Variants in KCNN2 observed in about 807,000 individuals in gnomAD.
KCNN2 encodes the protein small conductance calcium-activated potassium channel protein 2.
In KCNN2, 24 loss-of-function variants were observed where a neutral mutation model predicts 55.5. That is an observed-to-expected ratio of 0.43 (90% CI 0.31 to 0.61). The LOEUF is 0.61. Ranked by LOEUF, KCNN2 falls within the 20% of genes least tolerant of loss-of-function variation. The probability of loss-of-function intolerance (pLI) is 0.08; values close to 1 mark genes in which losing one functional copy is unlikely to be tolerated. For synonymous variants in KCNN2, 431 were observed against 336.1 expected (o/e 1.28, Z -3.09); for missense variants, 754 against 853.6 (o/e 0.88, Z 1.45).
intron 1 of KCNN2, among the ~76,000 whole-genome samples, chr5:114,172,074 G>T (rs1204132523): frequency 6.6e-6 from 1 of 151,880 alleles, no homozygotes; most frequent in Non-Finnish European, 1.5e-5. Flanking sequence ...GGGAAGGGAA[G>T]TTTCTACAAA....
At chr5:114,476,541 C>G (rs371607351) in intron 5 of KCNN2, among the ~76,000 whole-genome samples, 1 of 151,938 alleles carries the variant, frequency 6.6e-6, no homozygotes, top group African/African-American at 2.4e-5. Context: ...GCCTCAGCCC[C>G]CCAAATAGCT....
intron 2 of KCNN2, among the ~76,000 whole-genome samples, chr5:114,295,853 A>G (rs1174174857): frequency 1.3e-5 from 2 of 151,676 alleles, no homozygotes; most frequent in Non-Finnish European, 2.9e-5. Context: ...CTCCACCACA[A>G]TATATGAGCA....
At chr5:114,470,434 C>T (rs887832733) in intron 4 of KCNN2, among the ~76,000 whole-genome samples, 10 of 152,114 alleles carry the variant, frequency 6.6e-5, no homozygotes, top group Non-Finnish European at 1.2e-4. Flanking sequence ...CTACAAAAGG[C>T]TAGCCTGTGT....
At chr5:114,375,412 T>C (rs1317255521) in intron 2 of KCNN2, among the ~76,000 whole-genome samples, 1 of 152,116 alleles carries the variant, frequency 6.6e-6, no homozygotes. Flanking sequence ...AAAACTTTGT[T>C]TTATTTATGT....
At chr5:114,488,615 A>C (rs1167039992) in intron 6 of KCNN2, among the ~76,000 whole-genome samples, 1 of 151,976 alleles carries the variant, frequency 6.6e-6, no homozygotes, top group Non-Finnish European at 1.5e-5. Context: ...GAGAATGAGA[A>C]CCCTCCCTTT....
chr5:114,418,735 T>C (rs1211224056), intron 3 of KCNN2, among the ~76,000 whole-genome samples: 1 of 152,176 alleles, frequency 6.6e-6, no homozygotes, highest in Non-Finnish European at 1.5e-5. Context: ...TCACTGCCAC[T>C]CAACTTAGGT....
chr5:114,252,987 G>C (rs1352974504), intron 2 of KCNN2, among the ~76,000 whole-genome samples: 2 of 152,148 alleles, frequency 1.3e-5, no homozygotes, highest in East Asian at 3.9e-4. Flanking sequence ...CCCTGACTTG[G>C]TAAAACTGCT....
intron 1 of KCNN2, among the ~76,000 whole-genome samples, chr5:114,183,530 T>C (rs1368536679): frequency 6.6e-6 from 1 of 152,146 alleles, no homozygotes; most frequent in Non-Finnish European, 1.5e-5. Context: ...TCTTGATAGA[T>C]ATACAAATAG....
intron 1 of KCNN2, among the ~76,000 whole-genome samples, chr5:114,206,328 T>A (rs1176789368): frequency 6.6e-6 from 1 of 152,238 alleles, no homozygotes; most frequent in East Asian, 1.9e-4. Flanking sequence ...TACCTCCTAA[T>A]CTCCAGCCCC....
At chr5:114,160,859 G>A (rs1190362562) in intron 1 of KCNN2, among the ~76,000 whole-genome samples, 4 of 152,004 alleles carry the variant, frequency 2.6e-5, no homozygotes, top group East Asian at 3.9e-4. Context: ...TTTGCTTGGT[G>A]GATCTTCCTC....
chr5:114,358,360 T>C (rs1338812749), upstream of KCNN2, among the ~76,000 whole-genome samples: 1 of 152,012 alleles, frequency 6.6e-6, no homozygotes, highest in East Asian at 1.9e-4. Flanking sequence ...TCTAAGAAAA[T>C]GTGTTTGTGT....
At chr5:114,115,370 G>A (rs1202107376) in intron 1 of KCNN2, among the ~76,000 whole-genome samples, 1 of 152,064 alleles carries the variant, frequency 6.6e-6, no homozygotes, top group East Asian at 1.9e-4. Context: ...CTAGCATTGT[G>A]CAAGTTTTAA....
chr5:114,383,748 A>C (rs1758197944), intron 2 of KCNN2, among the ~76,000 whole-genome samples: 1 of 152,130 alleles, frequency 6.6e-6, no homozygotes, highest in Non-Finnish European at 1.5e-5. Flanking sequence ...GATTACAGGC[A>C]TGAGCCACCA....
chr5:114,324,603 G>A (rs1183178900), intron 2 of KCNN2, among the ~76,000 whole-genome samples: 1 of 152,166 alleles, frequency 6.6e-6, no homozygotes, highest in African/African-American at 2.4e-5. Context: ...ACCCATTTTG[G>A]ACTTCTAATC....
chr5:114,326,027 T>A (rs767622196), intron 2 of KCNN2, among the ~76,000 whole-genome samples: 9 of 152,228 alleles, frequency 5.9e-5, no homozygotes, highest in Non-Finnish European at 1.3e-4. Context: ...AAATCAAAAT[T>A]ACAAAGTAAC....
rs181111768 is a variant in KCNN2 at position 114,278,310 on chromosome 5, C to G, written c.-185+56745C>G. Among the ~76,000 whole-genome samples, 18 of 152,222 alleles carry G rather than the reference C, an allele frequency of 1.2e-4. No individual in the cohort carries two copies. The East Asian group carries it at 3.5e-3, about 29-fold the overall frequency. On this transcript the variant is annotated intron_variant, in intron 2 of 10. Coordinates refer to the KCNN2 transcript ENST00000512097. ...AGTCAGGCTACATGGGGGTCAGGGA[C>G]CCACTTGAGGAAGCAGTCTGTCCAT...
chr5:114,383,146 G>A (rs1440229082), intron 2 of KCNN2, among the ~76,000 whole-genome samples: 13 of 152,148 alleles, frequency 8.5e-5, no homozygotes, highest in Admixed American at 8.5e-4. Context: ...TAGAAGAACT[G>A]TTTAGCTGGG....
chr5:114,360,380 G>A (rs1757381395), upstream of KCNN2, among the ~76,000 whole-genome samples: 1 of 152,180 alleles, frequency 6.6e-6, no homozygotes, highest in Non-Finnish European at 1.5e-5. Context: ...ATTGGATCCA[G>A]CTGAGAATTC....
At chr5:114,301,592 C>G (rs944563446) in intron 2 of KCNN2, among the ~76,000 whole-genome samples, 1 of 152,152 alleles carries the variant, frequency 6.6e-6, no homozygotes, top group Non-Finnish European at 1.5e-5. Flanking sequence ...CAGCTACCCA[C>G]TCATATCTGC....
Sources: gnomAD v4.1 joint callset for allele counts (sites outside exome capture counted in the v4.1 genomes callset) on GRCh38, gnomAD v4.1.1 for gene constraint, MANE v1.5 for transcripts, NCBI Gene and HGNC (gene_info 2026-07-23, HGNC 2026-07-21) for gene names.